The following KMT2A variants were observed in gnomAD, a reference collection of about 807,000 sequenced individuals.
KMT2A encodes lysine methyltransferase 2A, also known as histone-lysine N-methyltransferase 2A.
Under a neutral mutation model 345.3 loss-of-function variants are expected in KMT2A, and 16 were observed. The ratio of observed to expected loss-of-function variants is 0.05; its 90% confidence interval spans 0.03 to 0.07. The LOEUF is 0.07. KMT2A is among the 10% of genes least tolerant of loss of function. The pLI is 1.00. For synonymous variants in KMT2A, 1,599 were observed against 1,778.6 expected, an observed-to-expected ratio of 0.90 and a Z score of 2.54; for missense variants, 3,272 against 4,841.6, an observed-to-expected ratio of 0.68 and a Z score of 9.62.
chr11:118,526,454 T>A lies in KMT2A; in HGVS notation c.*4282T>A, dbSNP rs1468496663. ...TCTTTAGTAAATACAGGTAGTTGAATAATTGTTTCAAGAGCTCAACAGATG... is the reference window on the plus strand; with the variant it reads ...TCTTTAGTAAATACAGGTAGTTGAAAAATTGTTTCAAGAGCTCAACAGATG... On this transcript the variant is annotated 3_prime_UTR_variant, in exon 36 of 36. Coordinates refer to ENST00000534358, the MANE Select transcript of KMT2A (RefSeq NM_001197104.2). The A allele has an allele frequency of 4.4e-6, 1 of 229,196 alleles. No individual in the cohort carries two copies. The highest frequency in any genetic ancestry group is 8.6e-6 in the Non-Finnish European group (1 of 115,776). 14.2% of individuals were successfully genotyped at this position (229,196 alleles called of 1,614,324 possible). A position where few individuals can be genotyped will look rare whatever the true frequency, so the allele number is the denominator to read the frequency against.
intron 1 of KMT2A, among the ~76,000 whole-genome samples, chr11:118,440,469 C>T (rs1949289840): frequency 6.6e-6 from 1 of 152,172 alleles, no homozygotes; most frequent in Non-Finnish European, 1.5e-5. Context: ...AGCACCCTTT[C>T]TGTTGACTAG....
intron 27 of KMT2A, 46 bp from the exon 28 acceptor site, chr11:118,507,483 T>A: frequency 6.5e-7 from 1 of 1,535,338 alleles, no homozygotes; most frequent in Non-Finnish European, 9.0e-7. Flanking sequence ...TCAGTACATA[T>A]TTACTGGTGG....
Position 118,475,914 on chromosome 11 carries a change from C to T in KMT2A, c.3157-891C>T, listed in dbSNP as rs1313080510. On this transcript the variant is annotated intron_variant, in intron 3 of 35. Transcript: ENST00000534358. ...TCTTTTGGAGCCTTTTATACTTTCT[C>T]TTTTTTTTGAGACGGAATTTCGCTC... Among the ~76,000 whole-genome samples, 5 of 151,552 alleles carry T rather than the reference C, an allele frequency of 3.3e-5. No homozygotes were observed. The East Asian group carries it at 9.7e-4, about 29-fold the overall frequency.
chr11:118,519,656 G>A lies in KMT2A; in HGVS notation c.11185G>A (p.Ala3729Thr), dbSNP rs890026629. ...GAGGATGCTGGGGATTCTCCATGAT[G>A]CAGTTGTGTTCCTCATTGAGCAGCT... ...GLRMLGILHD[A>T]VVFLIEQLSG... The change falls in exon 32 of 36, where the codon GCA becomes ACA. Residue 3729 changes from alanine (A) to threonine (T), a missense_variant. Ala to Thr is a moderately conservative substitution (Grantham distance 58). Transcript: ENST00000534358. The A allele has an allele frequency of 3.7e-6, 6 of 1,613,952 alleles. No individual in the cohort carries two copies. The highest frequency in any genetic ancestry group is 5.1e-6 in the Non-Finnish European group (6 of 1,179,950).
rs9332765 is a variant in KMT2A at position 118,469,331 on chromosome 11, G to GTA, written c.502+491_502+492dup. 5.8e-3 allele frequency among the ~76,000 whole-genome samples: 882 copies of GTA among 152,180 alleles called. 9 individuals are homozygous for GTA. The highest frequency in any genetic ancestry group is 0.02 in the African/African-American group (845 of 41,510). Reference sequence around the variant, plus strand: ...TACACATTTTGTGTTATGTGGTAGTGTATATGTCTTTGGGAATAATTTGGC... The same window carrying GTA: ...TACACATTTTGTGTTATGTGGTAGTGTATATATGTCTTTGGGAATAATTTGGC... On this transcript the variant is annotated intron_variant, in intron 2 of 35. Transcript: ENST00000534358.
intron 32 of KMT2A, 36 bp from the exon 33 acceptor site, chr11:118,519,921 C>A: frequency 6.3e-7 from 1 of 1,579,874 alleles, no homozygotes. Context: ...TTTATTAAAG[C>A]ATTTCTCTAA....
Position 118,522,272 on chromosome 11 carries a change from G to A in KMT2A, c.*100G>A. 7.8e-7 allele frequency: 1 copy of A among 1,277,382 alleles called. No individual in the cohort carries two copies. Among genetic ancestry groups the A allele is most frequent in the African/African-American group, 1.5e-5 (1 of 68,226 alleles). 79.1% of individuals were successfully genotyped at this position (1,277,382 alleles called of 1,614,324 possible). A position where few individuals can be genotyped will look rare whatever the true frequency, so the allele number is the denominator to read the frequency against. On this transcript the variant is annotated 3_prime_UTR_variant, in exon 36 of 36. Transcript: ENST00000534358. This position sits in a 1 kb window ranked among gnomAD's most constrained non-coding sequence, Gnocchi z 5.4. The stretch of plus-strand genomic sequence containing the variant: ...CAGCTGGGAGCTCCCGGATTGCGTG[G>A]CACAGCTGAGGGGCCTCTGTGATGG...
At chr11:118,469,125 A>G (rs1357390281) in intron 2 of KMT2A, among the ~76,000 whole-genome samples, 1 of 149,518 alleles carries the variant, frequency 6.7e-6, no homozygotes, top group Non-Finnish European at 1.5e-5. Flanking sequence ...ATATCTCCCA[A>G]TGCTATCCCT....
In KMT2A at chr11:118,507,673, A is replaced by G; in HGVS notation, c.10835+64A>G. ...GTTTTGTCCACCTCATTTAAAAAAT[A>G]GTTCTTCCAGGCCGGGCGCAGTGGC... is the stretch of plus-strand genomic sequence containing the variant. On this transcript the variant is annotated intron_variant, in intron 28 of 35. Transcript: ENST00000534358. 8.0e-6 allele frequency: 11 copies of G among 1,382,574 alleles called. No individual in the cohort carries two copies. In the South Asian group the frequency reaches 9.5e-5, roughly 12 times the overall value. 85.6% of individuals were successfully genotyped at this position (1,382,574 alleles called of 1,614,324 possible). A position where few individuals can be genotyped will look rare whatever the true frequency, so the allele number is the denominator to read the frequency against.
rs781911944 is a variant in KMT2A, at chr11:118,502,983, C to G, written c.7091C>G (p.Ser2364Cys). 7 of 1,613,992 alleles carry G rather than the reference C, an allele frequency of 4.3e-6. No homozygotes were observed. The highest frequency in any genetic ancestry group is 5.9e-6 in the Non-Finnish European group (7 of 1,179,982). The change falls in exon 27 of 36, where the codon TCT (serine) becomes TGT (cysteine). Residue 2364 changes from serine (S) to cysteine (C), a missense_variant. Around this residue, in one of 27 missense-constraint regions of KMT2A, gnomAD observed 445 missense variants for 500.9 expected, o/e 0.89. Coordinates refer to ENST00000534358, the MANE Select transcript of KMT2A (RefSeq NM_001197104.2). The surrounding 1 kb of genome is among the most constrained non-coding windows in gnomAD (Gnocchi z 4.9). ...FAEPSSVSFSSKEALSFPHLH... is the reference protein window; with the variant it reads ...FAEPSSVSFSCKEALSFPHLH... ...GAACCCTCTTCAGTGTCGTTTTCTTCTAAAGAGGCCCTCTCCTTCCCACAC... is the reference window on the plus strand; with the variant it reads ...GAACCCTCTTCAGTGTCGTTTTCTTGTAAAGAGGCCCTCTCCTTCCCACAC...
intron 1 of KMT2A, among the ~76,000 whole-genome samples, chr11:118,439,498 G>A (rs1351664763): frequency 6.6e-6 from 1 of 152,218 alleles, no homozygotes; most frequent in Non-Finnish European, 1.5e-5. Flanking sequence ...GGGACCTAAT[G>A]TCTGGGCACC....
intron 24 of KMT2A, among the ~76,000 whole-genome samples, chr11:118,500,418 C>T (rs1430214960): frequency 1.3e-5 from 2 of 152,224 alleles, no homozygotes; most frequent in East Asian, 1.9e-4. Flanking sequence ...ACCACTCCCG[C>T]GTTGGAGTCT....
rs1286510280 is a variant in KMT2A at position 118,496,513 on chromosome 11, T to G, written c.5664+146T>G. On this transcript the variant is annotated intron_variant, in intron 20 of 35. Transcript: ENST00000534358. The surrounding 1 kb of genome is among the most constrained non-coding windows in gnomAD (Gnocchi z 4.7). ...TTTATAACTTTTATTTACCTATAAC[T>G]TATAACTTATTAATTTGTAACTTAT... The G allele has an allele frequency of 2.0e-6, 1 of 499,512 alleles. No homozygotes were observed. The highest frequency in any genetic ancestry group is 3.6e-6 in the Non-Finnish European group (1 of 281,484). 30.9% of individuals were successfully genotyped at this position (499,512 alleles called of 1,614,324 possible).
intron 32 of KMT2A, 77 bp from the exon 33 acceptor site, chr11:118,519,880 T>G: frequency 1.3e-6 from 2 of 1,561,254 alleles, no homozygotes; most frequent in Admixed American, 3.4e-5. Context: ...CCTTTGAGAT[T>G]TCCAGTTTTA....
In KMT2A at chr11:118,504,798, C is replaced by G; in HGVS notation, c.8906C>G (p.Ser2969Cys). Residue 2969 changes from serine (S) to cysteine (C), a missense_variant, in exon 27 of 36, where the codon TCT (serine) becomes TGT (cysteine). Around this residue, in one of 27 missense-constraint regions of KMT2A, gnomAD observed 748 missense variants for 922.2 expected, o/e 0.81. Transcript: ENST00000534358. This position sits in a 1 kb window ranked among gnomAD's most constrained non-coding sequence, Gnocchi z 6.4. ...GEKRVTITEK[S>C]VASSESDPAL... ...AAGAGAGTAACCATCACAGAAAAAT[C>G]TGTAGCCTCCTCTGAAAGTGACCCA... 1 of 1,614,120 alleles carries G rather than the reference C, an allele frequency of 6.2e-7. No homozygotes were observed. Among genetic ancestry groups the G allele is most frequent in the Non-Finnish European group, 8.5e-7 (1 of 1,180,022 alleles).
At chr11:118,450,290 G>A (rs782407775) in intron 1 of KMT2A, 76 of 152,112 alleles carry the variant, frequency 5.0e-4, no homozygotes, top group Non-Finnish European at 4.1e-4. Flanking sequence ...CTGAAGTAGT[G>A]CATTCATTTT....
At chr11:118,462,793 A>T (rs1008071573) in intron 1 of KMT2A, among the ~76,000 whole-genome samples, 1 of 152,048 alleles carries the variant, frequency 6.6e-6, no homozygotes, top group Non-Finnish European at 1.5e-5. Flanking sequence ...CGATCTCCTG[A>T]CTTTGTGATC....
chr11:118,448,085 T>C (rs1261210339), intron 1 of KMT2A: 2 of 152,872 alleles, frequency 1.3e-5, no homozygotes, highest in Admixed American at 6.5e-5. Context: ...AGTAGGAAGC[T>C]TCCAGAGATA....
chr11:118,462,659 C>T (rs1288312151), intron 1 of KMT2A, among the ~76,000 whole-genome samples: 1 of 151,950 alleles, frequency 6.6e-6, no homozygotes, highest in African/African-American at 2.4e-5. Flanking sequence ...CCCGGGTTCA[C>T]GCCATTCTCC....
Sources: gnomAD v4.1 joint callset for allele counts (sites outside exome capture counted in the v4.1 genomes callset) on GRCh38, gnomAD v4.1.1 for gene constraint, gnomAD v4.1.1 regional missense constraint, Gnocchi (gnomAD v3.1) non-coding constraint, MANE v1.5 for transcripts, NCBI Gene and HGNC (gene_info 2026-07-23, HGNC 2026-07-21) for gene names.